TBL1XR1: variants seen among roughly 807,000 people sequenced by gnomAD.
TBL1XR1 encodes the protein F-box-like/WD repeat-containing protein TBL1XR1.
A neutral mutation model predicts 66.9 loss-of-function variants in TBL1XR1; 5 were observed. The ratio of observed to expected loss-of-function variants is 0.07; its 90% CI spans 0.04 to 0.16. TBL1XR1 has a LOEUF of 0.16. Ranked by LOEUF, TBL1XR1 falls within the 10% of genes least tolerant of loss-of-function variation. TBL1XR1 has a pLI of 1.00. For missense variants in TBL1XR1, 238 were observed against 623.2 expected, an observed-to-expected ratio of 0.38 and a Z score of 6.58; for synonymous variants, 210 against 206.0, an observed-to-expected ratio of 1.02 and a Z score of -0.17.
intron 2 of TBL1XR1, among the ~76,000 whole-genome samples, chr3:177,082,728 A>G (rs1721554944): frequency 7.6e-6 from 1 of 132,304 alleles, no homozygotes; most frequent in Non-Finnish European, 1.6e-5. Flanking sequence ...CTAAATTTCT[A>G]AGATAGAGAT....
intron 1 of TBL1XR1, among the ~76,000 whole-genome samples, chr3:177,183,826 G>A (rs1735103846): frequency 6.6e-6 from 1 of 151,854 alleles, no homozygotes; most frequent in South Asian, 2.1e-4. Context: ...AATCGGCCGG[G>A]CATGGTGGCT....
intron 1 of TBL1XR1, among the ~76,000 whole-genome samples, chr3:177,106,645 G>T (rs1054981477): frequency 2.6e-5 from 4 of 152,174 alleles, no homozygotes; most frequent in Non-Finnish European, 5.9e-5. Context: ...GGAATAAAAA[G>T]TGCTAATCAG....
At chr3:177,190,256 T>C (rs895623120) in intron 1 of TBL1XR1, among the ~76,000 whole-genome samples, 2 of 151,586 alleles carry the variant, frequency 1.3e-5, no homozygotes, top group Admixed American at 6.6e-5. Context: ...CTAACTAGAC[T>C]AGGTTTTCCC....
In TBL1XR1 at chr3:177,182,085, CA is replaced by C. The variant is rs1734894713; in HGVS notation, c.-122+15035del. On this transcript the variant is annotated intron_variant, in intron 1 of 15. Coordinates refer to ENST00000457928, the MANE Select transcript of TBL1XR1 (RefSeq NM_024665.7). ...GGTGCCAGGTTATCAAGCAGACCCT[CA>C]AAATTCTTACAGCACAGCCAGTCCC... is the stretch of plus-strand genomic sequence containing the variant. Among the ~76,000 whole-genome samples, 5 of 152,236 alleles carry C rather than the reference CA, an allele frequency of 3.3e-5. No homozygotes were observed. The South Asian group carries it at 1.0e-3, about 32-fold the overall frequency.
chr3:177,020,103 G>C lies in TBL1XR1; in HGVS notation c.*5395C>G, dbSNP rs1712159508. On this transcript the variant is annotated 3_prime_UTR_variant, in exon 16 of 16. Coordinates refer to ENST00000457928, the MANE Select transcript of TBL1XR1 (RefSeq NM_024665.7). ...AGTTGTTTTTCTTATAAAGTTTGTA[G>C]TAACAACTAGCTAAGAGAGAAAATG... The C allele has an allele frequency of 6.6e-6, 1 of 151,152 alleles. No homozygotes were observed. The highest frequency in any genetic ancestry group is 1.5e-5 in the Non-Finnish European group (1 of 67,782). 9.4% of individuals were successfully genotyped at this position (151,152 alleles called of 1,614,324 possible). A position where few individuals can be genotyped will look rare whatever the true frequency, so the allele number is the denominator to read the frequency against.
chr3:177,081,002 T>C (rs1317933536), intron 2 of TBL1XR1, among the ~76,000 whole-genome samples: 1 of 152,226 alleles, frequency 6.6e-6, no homozygotes, highest in Non-Finnish European at 1.5e-5. Context: ...AATCAACTTT[T>C]AAAGGATGTA....
chr3:177,104,931 ACT>A (rs1028839238), intron 1 of TBL1XR1, among the ~76,000 whole-genome samples: 1 of 152,144 alleles, frequency 6.6e-6, no homozygotes, highest in Non-Finnish European at 1.5e-5. Context: ...AACAGCACAA[ACT>A]CTCTTACAAT....
At chr3:177,077,447 A>G (rs1022021909) in intron 2 of TBL1XR1, among the ~76,000 whole-genome samples, 1 of 152,204 alleles carries the variant, frequency 6.6e-6, no homozygotes, top group Non-Finnish European at 1.5e-5. Flanking sequence ...AAAATAACTT[A>G]TATTCACATA....
chr3:177,044,434 G>T (rs1305041636), intron 10 of TBL1XR1, among the ~76,000 whole-genome samples: 2 of 152,052 alleles, frequency 1.3e-5, no homozygotes, highest in Non-Finnish European at 2.9e-5. Context: ...TAAAAATTAT[G>T]CAGAATGAAG....
intron 1 of TBL1XR1, among the ~76,000 whole-genome samples, chr3:177,189,930 A>AAGT (rs1735923181): frequency 6.6e-6 from 1 of 152,104 alleles, no homozygotes; most frequent in Non-Finnish European, 1.5e-5. Flanking sequence ...TAACTTAGGT[A>AAGT]CACTACTAAG....
chr3:177,122,464 A>T (rs988615862), intron 1 of TBL1XR1, among the ~76,000 whole-genome samples: 19 of 152,144 alleles, frequency 1.2e-4, no homozygotes, highest in African/African-American at 4.6e-4. Context: ...CCTTAACATT[A>T]TCATGAGATC....
chr3:177,062,577 T>C (rs1718654168), intron 3 of TBL1XR1, among the ~76,000 whole-genome samples: 1 of 152,190 alleles, frequency 6.6e-6, no homozygotes, highest in Admixed American at 6.5e-5. Flanking sequence ...TAAATCATAA[T>C]GTAAACAGGA....
chr3:177,119,804 T>C (rs577202568), intron 1 of TBL1XR1, among the ~76,000 whole-genome samples: 9 of 152,350 alleles, frequency 5.9e-5, no homozygotes, highest in Admixed American at 3.9e-4. Flanking sequence ...TCCTTGGTCC[T>C]GTGTATTGAA....
chr3:177,167,113 T>C (rs1340468163), intron 1 of TBL1XR1, among the ~76,000 whole-genome samples: 1 of 152,228 alleles, frequency 6.6e-6, no homozygotes, highest in Non-Finnish European at 1.5e-5. Context: ...CTTCAGTAGG[T>C]CAAAGTTGAT....
intron 1 of TBL1XR1, among the ~76,000 whole-genome samples, chr3:177,135,633 C>T (rs1020636004): frequency 1.3e-5 from 2 of 151,504 alleles, no homozygotes; most frequent in African/African-American, 4.8e-5. Context: ...CCGCCCGCCT[C>T]GGCCTCCCAA....
chr3:177,115,639 G>A (rs1202265787), intron 1 of TBL1XR1, among the ~76,000 whole-genome samples: 2 of 152,112 alleles, frequency 1.3e-5, no homozygotes, highest in Non-Finnish European at 2.9e-5. Flanking sequence ...CCGCAACTTT[G>A]AGGTCTACAG....
intron 1 of TBL1XR1, among the ~76,000 whole-genome samples, chr3:177,103,694 A>G (rs2108686096): frequency 1.3e-5 from 2 of 152,366 alleles, no homozygotes; most frequent in African/African-American, 4.8e-5. Flanking sequence ...CAAAGGTACA[A>G]ACACAATAAA....
intron 1 of TBL1XR1, among the ~76,000 whole-genome samples, chr3:177,159,096 CCTGCA>C (rs1731860905): frequency 6.6e-6 from 1 of 151,768 alleles, no homozygotes; most frequent in South Asian, 2.1e-4. Context: ...ATTTTTAATT[CCTGCA>C]GTGGTAAAGA....
At chr3:177,175,574 A>G (rs2108945562) in intron 1 of TBL1XR1, among the ~76,000 whole-genome samples, 1 of 152,286 alleles carries the variant, frequency 6.6e-6, no homozygotes, top group South Asian at 2.1e-4. Context: ...AACACACTTA[A>G]TTTTTTAAAT....
Sources: allele counts gnomAD v4.1 joint callset (sites outside exome capture counted in the v4.1 genomes callset), GRCh38; gene constraint gnomAD v4.1.1; transcripts MANE v1.5; gene names NCBI Gene and HGNC (gene_info 2026-07-23, HGNC 2026-07-21).